The following YES1 variants were observed in gnomAD, a reference collection of about 807,000 sequenced individuals.
YES1 encodes the protein YES proto-oncogene 1, Src family tyrosine kinase.
A neutral mutation model predicts 70.4 loss-of-function variants in YES1; 39 were observed. The ratio of observed to expected loss-of-function variants is 0.55; its 90% CI spans 0.43 to 0.72. The LOEUF (loss-of-function observed/expected upper bound fraction) is 0.72, where lower values mean the gene tolerates loss of function less well. YES1 is among the 30% of genes least tolerant of loss of function. The probability of loss-of-function intolerance (pLI) is 0.00; values close to 1 mark genes in which losing one functional copy is unlikely to be tolerated. For synonymous variants in YES1, 198 were observed against 218.6 expected (o/e 0.91, Z 0.83); for missense variants, 495 against 644.8 (o/e 0.77, Z 2.52).
intron 8 of YES1, 74 bp downstream of exon 8, chr18:742,844 A>C (rs2080230937): frequency 1.6e-6 from 2 of 1,224,962 alleles, no homozygotes; most frequent in South Asian, 2.0e-5. Context: ...AAACAGTATA[A>C]GTCTATATGC....
At chr18:757,289 G>A (rs184580137) in intron 1 of YES1, among the ~76,000 whole-genome samples, 27 of 151,500 alleles carry the variant, frequency 1.8e-4, no homozygotes, top group African/African-American at 2.7e-4. Flanking sequence ...GGATCACGAG[G>A]TCAGGAGATT....
intron 1 of YES1, among the ~76,000 whole-genome samples, chr18:764,012 C>T (rs1014955387): frequency 3.3e-5 from 5 of 150,634 alleles, no homozygotes; most frequent in Admixed American, 6.6e-5. Context: ...CCCAGCTACT[C>T]GGGAGGCTGA....
At chr18:784,791 C>T (rs1039206503) in intron 1 of YES1, among the ~76,000 whole-genome samples, 1 of 152,194 alleles carries the variant, frequency 6.6e-6, no homozygotes, top group Non-Finnish European at 1.5e-5. Context: ...TCTATTATGC[C>T]TACCTGGATA....
intron 1 of YES1, among the ~76,000 whole-genome samples, chr18:796,492 G>A (rs994889423): frequency 4.6e-5 from 7 of 152,082 alleles, no homozygotes; most frequent in Admixed American, 2.6e-4. Flanking sequence ...CAATTAGGCC[G>A]GGTGCAGTGG....
intron 9 of YES1, chr18:737,176 G>T: frequency 2.2e-6 from 1 of 462,506 alleles, no homozygotes; most frequent in Admixed American, 3.9e-5. Context: ...ACACTGGCTG[G>T]GTGCGGTGGC....
chr18:752,577 ATAAC>A (rs934357982), intron 2 of YES1, among the ~76,000 whole-genome samples: 98 of 152,348 alleles, frequency 6.4e-4, no homozygotes, highest in African/African-American at 2.1e-3. Flanking sequence ...ATTACCAGTA[ATAAC>A]TAATTTACTA....
chr18:752,079 TA>T (rs1203267798), intron 2 of YES1, among the ~76,000 whole-genome samples: 1 of 152,296 alleles, frequency 6.6e-6, no homozygotes, highest in East Asian at 1.9e-4. Flanking sequence ...CTACAAATTA[TA>T]AAACTCTGTA....
chr18:738,134 C>G (rs2080173842), intron 9 of YES1: 1 of 151,776 alleles, frequency 6.6e-6, no homozygotes, highest in Non-Finnish European at 1.5e-5. Context: ...GTGGCATATG[C>G]CTGTTGCCTA....
intron 1 of YES1, among the ~76,000 whole-genome samples, chr18:801,121 G>T (rs899942187): frequency 6.6e-6 from 1 of 152,022 alleles, no homozygotes; most frequent in Non-Finnish European, 1.5e-5. Flanking sequence ...ACTCCAGCCT[G>T]GGCAACAGAG....
At chr18:737,194 T>G (rs2080163998) in intron 9 of YES1, 1 of 372,522 alleles carries the variant, frequency 2.7e-6, no homozygotes, top group Non-Finnish European at 4.8e-6. Flanking sequence ...GGCCCACACC[T>G]ATAATCCCAT....
chr18:787,715 A>G (rs932822783), intron 1 of YES1, among the ~76,000 whole-genome samples: 1 of 152,164 alleles, frequency 6.6e-6, no homozygotes, highest in African/African-American at 2.4e-5. Flanking sequence ...GTCTCAAAAA[A>G]AAAAAAATAT....
intron 1 of YES1, among the ~76,000 whole-genome samples, chr18:796,967 G>T (rs192871230): frequency 1.3e-5 from 2 of 152,042 alleles, no homozygotes; most frequent in Admixed American, 1.3e-4. Flanking sequence ...AGAGCTAAAT[G>T]ACTTGTAAGA....
intron 1 of YES1, among the ~76,000 whole-genome samples, chr18:762,351 T>C (rs1904637939): frequency 6.6e-6 from 1 of 152,054 alleles, no homozygotes; most frequent in East Asian, 1.9e-4. Context: ...GTAACATCAT[T>C]TAAAACATTT....
intron 1 of YES1, among the ~76,000 whole-genome samples, chr18:760,505 A>C (rs1904536053): frequency 6.6e-6 from 1 of 151,678 alleles, no homozygotes; most frequent in African/African-American, 2.4e-5. Context: ...AACAACAAAA[A>C]CCCCAAAAAA....
chr18:771,037 C>T (rs1357268340), intron 1 of YES1, among the ~76,000 whole-genome samples: 1 of 151,824 alleles, frequency 6.6e-6, no homozygotes, highest in African/African-American at 2.4e-5. Context: ...AAGTTAAAAC[C>T]TAGAAAAACA....
chr18:782,853 C>G (rs1234088813), intron 1 of YES1, among the ~76,000 whole-genome samples: 2 of 152,122 alleles, frequency 1.3e-5, no homozygotes, highest in Admixed American at 6.6e-5. Context: ...CACCACCATG[C>G]CCGGCTAATT....
At chr18:728,976 ATTTTG>A (rs1033044454) in intron 11 of YES1, among the ~76,000 whole-genome samples, 10 of 152,104 alleles carry the variant, frequency 6.6e-5, no homozygotes, top group Admixed American at 2.6e-4. Context: ...GTGGGCTAGT[ATTTTG>A]TTTTATCATA....
At chr18:773,539 A>G (rs1002855634) in intron 1 of YES1, among the ~76,000 whole-genome samples, 2 of 152,184 alleles carry the variant, frequency 1.3e-5, no homozygotes, top group African/African-American at 2.4e-5. Context: ...GTACGAATTA[A>G]AAGGCTGGTA....
At chr18:740,416 G>A (rs2080204418) in intron 8 of YES1, among the ~76,000 whole-genome samples, 1 of 152,190 alleles carries the variant, frequency 6.6e-6, no homozygotes, top group South Asian at 2.1e-4. Context: ...ACAATGCTAT[G>A]GAAGACAGAG....
Sources: allele counts gnomAD v4.1 joint callset (sites outside exome capture counted in the v4.1 genomes callset), GRCh38; gene constraint gnomAD v4.1.1; transcripts MANE v1.5; gene names NCBI Gene and HGNC (gene_info 2026-07-23, HGNC 2026-07-21).